The following TRHR variants were observed in gnomAD, a reference collection of about 807,000 sequenced individuals.
The protein encoded by TRHR is thyrotropin-releasing hormone receptor.
In TRHR, 14 loss-of-function variants were observed where a neutral mutation model predicts 28.0. The ratio of observed to expected loss-of-function variants is 0.50; its 90% confidence interval spans 0.33 to 0.78. TRHR has a LOEUF of 0.78. Among genes scored for constraint, TRHR ranks in the 30% least tolerant of loss-of-function variants. TRHR has a pLI of 0.02. For missense variants in TRHR, 438 were observed against 469.5 expected (o/e 0.93, Z 0.62); for synonymous variants, 176 against 171.9 (o/e 1.02, Z -0.18).
At position 109,119,493 on chromosome 8, in the gene TRHR, A is replaced by G; in HGVS notation, c.*38A>G. The G allele has an allele frequency of 1.9e-6, 3 of 1,606,054 alleles. No homozygotes were observed. Among genetic ancestry groups the G allele is most frequent in the African/African-American group, 1.3e-5 (1 of 74,880 alleles). ...AAGAAAATGGATGACAAAGAAAATG[A>G]GAATCTGTGCAGTCATCAACAAAAG... On this transcript the variant is annotated 3_prime_UTR_variant, in exon 3 of 3. Transcript: ENST00000518632.
chr8:109,087,529 T>A lies in TRHR; in HGVS notation c.17T>A (p.Val6Asp). 1 of 1,614,196 alleles carries A rather than the reference T, an allele frequency of 6.2e-7. No homozygotes were observed. Among genetic ancestry groups the A allele is most frequent in the Non-Finnish European group, 8.5e-7 (1 of 1,180,034 alleles). ...CTTCTAAAGATGGAAAACGAGACAGTCAGTGAACTGAACCAAACACAGCTT... is the reference window on the plus strand; with the variant it reads ...CTTCTAAAGATGGAAAACGAGACAGACAGTGAACTGAACCAAACACAGCTT... MENET[V>D]SELNQTQLQP... Residue 6 changes from valine to aspartate, a missense_variant, in exon 2 of 3, where the codon GTC becomes GAC. Coordinates refer to ENST00000518632, the MANE Select transcript of TRHR (RefSeq NM_003301.7).
At chr8:109,092,095 A>T (rs2129873178) in intron 2 of TRHR, among the ~76,000 whole-genome samples, 1 of 152,376 alleles carries the variant, frequency 6.6e-6, no homozygotes, top group South Asian at 2.1e-4. Flanking sequence ...AATACATTCA[A>T]TTCAAATATG....
chr8:109,113,365 C>T (rs1025374896), intron 2 of TRHR, among the ~76,000 whole-genome samples: 4 of 152,096 alleles, frequency 2.6e-5, no homozygotes. Context: ...CCAGTCTAAC[C>T]ATGAGAAAAA....
In TRHR at chr8:109,087,615, A is replaced by C; in HGVS notation, c.103A>C (p.Ile35Leu). The C allele has an allele frequency of 6.2e-7, 1 of 1,614,108 alleles. No individual in the cohort carries two copies. Among genetic ancestry groups the C allele is most frequent in the South Asian group, 1.1e-5 (1 of 91,076 alleles). The change falls in exon 2 of 3, where the codon ATT (isoleucine) becomes CTT (leucine). Residue 35 changes from isoleucine to leucine, a missense_variant. Transcript: ENST00000518632. ...QVVTILLVLI[I>L]CGLGIVGNIM... is the part of the protein sequence containing the mutation. ...GGTCACCATCTTACTTGTACTCATT[A>C]TTTGTGGCCTGGGCATTGTAGGCAA...
At chr8:109,117,279 T>G (rs908701568) in intron 2 of TRHR, among the ~76,000 whole-genome samples, 2 of 151,892 alleles carry the variant, frequency 1.3e-5, no homozygotes, top group African/African-American at 4.8e-5. Context: ...TAGACAGATT[T>G]GAATCACAGC....
rs778183911 is a variant in TRHR at position 109,119,404 on chromosome 8, GT to G, written c.1147del (p.Ser383LeufsTer19). On this transcript the variant is annotated frameshift_variant, in exon 3 of 3. Coordinates refer to ENST00000518632, the MANE Select transcript of TRHR (RefSeq NM_003301.7). LOFTEE classifies it high-confidence loss of function. ...ACACTTACCTGTCTGCCACAAAAGT[GT>G]CTTTTGATGACACCTGCTTGGCTTC... ...TDTYLSATKVSFDDTCLASEV... is the reference protein window; with the variant it reads ...TDTYLSATKVXFDDTCLASEV... 2.4e-5 allele frequency: 38 copies of G among 1,612,244 alleles called. No individual in the cohort carries two copies. The highest frequency in any genetic ancestry group is 3.0e-5 in the Non-Finnish European group (35 of 1,178,986).
chr8:109,089,671 T>C (rs1239331108), intron 2 of TRHR, among the ~76,000 whole-genome samples: 3 of 152,182 alleles, frequency 2.0e-5, no homozygotes, highest in African/African-American at 7.2e-5. Flanking sequence ...TGATACCTAA[T>C]ATAAGGCTTA....
At position 109,087,521 on chromosome 8, in the gene TRHR, C is replaced by A. The variant is rs202086229; in HGVS notation, c.9C>A (p.Asn3Lys). Residue 3 changes from asparagine to lysine, a missense_variant, in exon 2 of 3, where the codon AAC becomes AAA. By Grantham distance (94) the Asn-to-Lys change is moderately conservative. Transcript: ENST00000518632. ME[N>K]ETVSELNQTQ... ...ACTTTAAGCTTCTAAAGATGGAAAACGAGACAGTCAGTGAACTGAACCAAA... is the reference window on the plus strand; with the variant it reads ...ACTTTAAGCTTCTAAAGATGGAAAAAGAGACAGTCAGTGAACTGAACCAAA... 6.2e-7 allele frequency: 1 copy of A among 1,614,030 alleles called. No individual in the cohort carries two copies. Among genetic ancestry groups the A allele is most frequent in the South Asian group, 1.1e-5 (1 of 91,090 alleles).
rs1158246496 is a variant in TRHR, at chr8:109,089,036, T to G, written c.789+735T>G. On this transcript the variant is annotated intron_variant, in intron 2 of 2. Transcript: ENST00000518632. Reference sequence around the variant, plus strand: ...AATTCTGTTATACTTTTAGATCACCTGAATGTGCATATAATTAGTTGAATA... The same window carrying G: ...AATTCTGTTATACTTTTAGATCACCGGAATGTGCATATAATTAGTTGAATA... 5.9e-5 allele frequency among the ~76,000 whole-genome samples: 9 copies of G among 152,356 alleles called. No homozygotes were observed. The South Asian group carries it at 1.2e-3, about 21-fold the overall frequency.
At chr8:109,102,116 G>A (rs532550699) in intron 2 of TRHR, among the ~76,000 whole-genome samples, 2 of 152,252 alleles carry the variant, frequency 1.3e-5, no homozygotes, top group Admixed American at 6.5e-5. Context: ...GTTGCTGAAT[G>A]ATGAATGGAG....
intron 2 of TRHR, among the ~76,000 whole-genome samples, chr8:109,112,481 T>A (rs1367776102): frequency 6.6e-6 from 1 of 152,220 alleles, no homozygotes; most frequent in Non-Finnish European, 1.5e-5. Context: ...TTTTCATTTT[T>A]AAAATTTGAT....
At chr8:109,097,123 A>G (rs946177242) in intron 2 of TRHR, among the ~76,000 whole-genome samples, 3 of 152,236 alleles carry the variant, frequency 2.0e-5, no homozygotes, top group Admixed American at 1.3e-4. Flanking sequence ...ACTTCATTGT[A>G]CAAGAACCTG....
chr8:109,102,745 G>A (rs2129905018), intron 2 of TRHR, among the ~76,000 whole-genome samples: 1 of 152,218 alleles, frequency 6.6e-6, no homozygotes, highest in South Asian at 2.1e-4. Flanking sequence ...GTAGACTACT[G>A]ATAAGTTCCA....
intron 2 of TRHR, among the ~76,000 whole-genome samples, chr8:109,099,427 T>C (rs1432157559): frequency 3.3e-5 from 5 of 152,140 alleles, no homozygotes; most frequent in African/African-American, 1.2e-4. Flanking sequence ...TAGTGGATTC[T>C]CTCAGTTGGG....
At chr8:109,101,230 A>T (rs972174592) in intron 2 of TRHR, among the ~76,000 whole-genome samples, 35 of 152,190 alleles carry the variant, frequency 2.3e-4, no homozygotes, top group African/African-American at 8.2e-4. Context: ...AGAATAAGGT[A>T]AATAGCATTG....
chr8:109,115,340 T>G (rs1202653159), intron 2 of TRHR, among the ~76,000 whole-genome samples: 1 of 152,194 alleles, frequency 6.6e-6, no homozygotes, highest in Non-Finnish European at 1.5e-5. Flanking sequence ...TTTCCAGTTC[T>G]GTGAAGAAAG....
At chr8:109,114,668 C>A (rs995335919) in intron 2 of TRHR, among the ~76,000 whole-genome samples, 1 of 152,082 alleles carries the variant, frequency 6.6e-6, no homozygotes, top group Non-Finnish European at 1.5e-5. Context: ...CAGATTGTCA[C>A]ACATACTTAA....
Position 109,120,815 on chromosome 8 carries a change from G to A in TRHR, c.*1360G>A, listed in dbSNP as rs1355978285. Among the ~76,000 whole-genome samples, 1 of 151,506 alleles carries A rather than the reference G, an allele frequency of 6.6e-6. No homozygotes were observed. Among genetic ancestry groups the A allele is most frequent in the Non-Finnish European group, 1.5e-5 (1 of 67,758 alleles). ...AGATTTGGCCAACCAGAATCTCCGA[G>A]GGCAAAAATTGCCCTTGGTGATGGT... On this transcript the variant is annotated 3_prime_UTR_variant, in exon 3 of 3. Coordinates refer to ENST00000518632, the MANE Select transcript of TRHR (RefSeq NM_003301.7).
rs1812005126 is a variant in TRHR at position 109,121,397 on chromosome 8, A to T, written c.*1942A>T. ...ACGAGATTTTTTCATTACAGAAAGGACCTAATATCATTGAGCATCGACTAT... is the reference window on the plus strand; with the variant it reads ...ACGAGATTTTTTCATTACAGAAAGGTCCTAATATCATTGAGCATCGACTAT... On this transcript the variant is annotated 3_prime_UTR_variant, in exon 3 of 3. Transcript: ENST00000518632. 6.6e-6 allele frequency among the ~76,000 whole-genome samples: 1 copy of T among 151,680 alleles called. No homozygotes were observed. Among genetic ancestry groups the T allele is most frequent in the Non-Finnish European group, 1.5e-5 (1 of 67,780 alleles).
Sources: gnomAD v4.1 joint callset for allele counts (sites outside exome capture counted in the v4.1 genomes callset) on GRCh38, gnomAD v4.1.1 for gene constraint, MANE v1.5 for transcripts, NCBI Gene and HGNC (gene_info 2026-07-23, HGNC 2026-07-21) for gene names.